RFC2: variants seen among roughly 807,000 people sequenced by gnomAD.
The protein encoded by RFC2 is replication factor C subunit 2.
A neutral mutation model predicts 44.8 loss-of-function variants in RFC2; 34 were observed. The observed-to-expected ratio is 0.76, with a 90% CI of 0.58 to 1.01. RFC2 has a LOEUF of 1.01. Ranked by LOEUF, RFC2 falls within the 50% of genes least tolerant of loss-of-function variation. The probability of loss-of-function intolerance (pLI) is 0.00; values close to 1 mark genes in which losing one functional copy is unlikely to be tolerated. For synonymous variants in RFC2, 177 were observed against 168.9 expected, an observed-to-expected ratio of 1.05 and a Z score of -0.37; for missense variants, 400 against 453.6, an observed-to-expected ratio of 0.88 and a Z score of 1.07.
rs781828533 is a variant in RFC2 at position 74,238,960 on chromosome 7, G to A, written c.722C>T (p.Ser241Leu). ...CTCACTGTTAATGAAGCCAAATCCT[G>A]AGAAGGTGGACTGCAGGTTGTTCAG... ...QALNNLQSTF[S>L]GFGFINSENV... is the part of the protein sequence containing the mutation. The change falls in exon 8 of 11, where the codon TCA (serine) becomes TTA (leucine). Residue 241 changes from serine (S) to leucine (L), a missense_variant. By Grantham distance (145) the Ser-to-Leu change is moderately radical (BLOSUM62 -2). Transcript: ENST00000055077. The surrounding 1 kb of genome is among the most constrained non-coding windows in gnomAD (Gnocchi z 4.0). 7 of 1,614,034 alleles carry A rather than the reference G, an allele frequency of 4.3e-6. No individual in the cohort carries two copies. The South Asian group carries it at 4.4e-5, about 10-fold the overall frequency.
At chr7:74,243,965 T>A (rs1323430485) in intron 5 of RFC2, among the ~76,000 whole-genome samples, 17 of 151,334 alleles carry the variant, frequency 1.1e-4, no homozygotes, top group African/African-American at 4.1e-4. Flanking sequence ...AGCAAGTTAT[T>A]AATGGCCAGG....
chr7:74,237,322 T>TGAGC (rs1803076773), intron 9 of RFC2, 40 bp downstream of exon 9: 2 of 1,432,730 alleles, frequency 1.4e-6, no homozygotes, highest in Admixed American at 3.8e-5. Context: ...GCCCAAGAAG[T>TGAGC]GAGCGGTTCC....
chr7:74,245,029 A>ATT (rs1176222528), intron 5 of RFC2, among the ~76,000 whole-genome samples: 13 of 140,362 alleles, frequency 9.3e-5, no homozygotes, highest in Non-Finnish European at 1.3e-4. Context: ...TGTCATTTCA[A>ATT]TTTTTTTTTT....
intron 9 of RFC2, 57 bp from the exon 10 acceptor site, chr7:74,235,702 G>T: frequency 8.2e-7 from 1 of 1,213,100 alleles, no homozygotes; most frequent in Non-Finnish European, 1.2e-6. Context: ...GAAGACATGT[G>T]ATTTTGAGAC....
chr7:74,237,164 G>C, intron 9 of RFC2, 198 bp downstream of exon 9: 2 of 453,082 alleles, frequency 4.4e-6, no homozygotes, highest in Non-Finnish European at 8.2e-6. Context: ...CCCAGGCTGG[G>C]GTACAGTGGC....
Position 74,249,031 on chromosome 7 carries a change from G to A in RFC2, c.313C>T (p.Leu105Phe). ...ACCTACCTGTCATTTGAAGCATTGA[G>A]TTCCAACATGGCATCTTTGAGTGCT... ...GPALKDAMLE[L>F]NASNDRGIDV... Residue 105 changes from leucine to phenylalanine, a missense_variant, in exon 4 of 11, where the codon CTC becomes TTC. Transcript: ENST00000055077. 1 of 1,613,580 alleles carries A rather than the reference G, an allele frequency of 6.2e-7. No homozygotes were observed. The highest frequency in any genetic ancestry group is 8.5e-7 in the Non-Finnish European group (1 of 1,179,630).
chr7:74,246,214 TAAATACAAATACAAATAC>T (rs547678440), intron 5 of RFC2, among the ~76,000 whole-genome samples: 1 of 142,848 alleles, frequency 7.0e-6, no homozygotes, highest in Non-Finnish European at 1.5e-5. Flanking sequence ...AATAAATAAA[TAAATACAAATACAAATAC>T]AAATACAAAT....
chr7:74,237,660 A>G (rs1554718557), intron 8 of RFC2, among the ~76,000 whole-genome samples: 2 of 152,186 alleles, frequency 1.3e-5, no homozygotes, highest in African/African-American at 4.8e-5. Flanking sequence ...CAAACATAAG[A>G]CAGATGAACA....
At chr7:74,251,052 G>C (rs1336082671) in intron 2 of RFC2, among the ~76,000 whole-genome samples, 3 of 152,198 alleles carry the variant, frequency 2.0e-5, no homozygotes, top group Non-Finnish European at 2.9e-5. Flanking sequence ...CTCCCAAAGT[G>C]CTGGGATTAC....
At chr7:74,234,204 A>G (rs178975) in intron 10 of RFC2, among the ~76,000 whole-genome samples, 149,859 of 152,262 alleles carry the variant, frequency 0.98, 73,756 homozygotes, top group East Asian at 1. Flanking sequence ...AAAGAAGCCA[A>G]ACTCACAAGG....
chr7:74,252,601 A>C, intron 1 of RFC2, 103 bp from the exon 2 acceptor site: 1 of 749,112 alleles, frequency 1.3e-6, no homozygotes, highest in Non-Finnish European at 2.4e-6. Flanking sequence ...AATTACATAC[A>C]TTCAGTACAA....
intron 3 of RFC2, 48 bp downstream of exon 3, chr7:74,249,691 T>C: frequency 6.6e-7 from 1 of 1,503,998 alleles, no homozygotes; most frequent in South Asian, 1.1e-5. Flanking sequence ...CAGCGGACAG[T>C]GGGATGAGAC....
chr7:74,250,659 G>C (rs1449660153), intron 2 of RFC2, among the ~76,000 whole-genome samples: 1 of 151,846 alleles, frequency 6.6e-6, no homozygotes. Flanking sequence ...CTCCATCCCG[G>C]CTACCACTTT....
chr7:74,246,903 A>G (rs782600461), intron 4 of RFC2, 140 bp from the exon 5 acceptor site: 70 of 493,276 alleles, frequency 1.4e-4, no homozygotes, highest in Non-Finnish European at 2.1e-4. Context: ...AATTGTAACT[A>G]TTTATAAGGA....
intron 2 of RFC2, among the ~76,000 whole-genome samples, chr7:74,250,985 C>T (rs1249929272): frequency 1.3e-5 from 2 of 152,114 alleles, no homozygotes; most frequent in South Asian, 2.1e-4. Context: ...CGGGGTTTTG[C>T]CATGTTGGCC....
chr7:74,241,891 C>T (rs1803347356), intron 6 of RFC2, among the ~76,000 whole-genome samples: 3 of 152,094 alleles, frequency 2.0e-5, no homozygotes. Flanking sequence ...ATCCAGGCAG[C>T]GGAGATAGCA....
chr7:74,238,822 T>C lies in RFC2; in HGVS notation c.759+101A>G. 2.2e-6 allele frequency: 2 copies of C among 893,362 alleles called. No homozygotes were observed. Among genetic ancestry groups the C allele is most frequent in the Non-Finnish European group, 3.7e-6 (2 of 541,402 alleles). 55.3% of individuals were successfully genotyped at this position (893,362 alleles called of 1,614,324 possible). ...GCTCCCTGGCACCCACAAGAGCAGC[T>C]AGATGTCCGTCCCCACTGCCAGCCC... On this transcript the variant is annotated intron_variant, in intron 8 of 10. Coordinates refer to ENST00000055077, the MANE Select transcript of RFC2 (RefSeq NM_181471.3). The surrounding 1 kb of genome is among the most constrained non-coding windows in gnomAD (Gnocchi z 4.0).
rs963874745 is a variant in RFC2 at position 74,248,905 on chromosome 7, A to G, written c.332+107T>C. The stretch of plus-strand genomic sequence containing the variant: ...ACTGGGAAGGGGTGGAGGAAATCAC[A>G]TAGCTGGCAAGGCTTCGCATACAAC... On this transcript the variant is annotated intron_variant, in intron 4 of 10. Transcript: ENST00000055077. 1.3e-5 allele frequency: 10 copies of G among 760,872 alleles called. No homozygotes were observed. The Admixed American group carries it at 2.0e-4, about 15-fold the overall frequency. The allele number at this position is 760,872 out of a possible 1,614,324, so 47.1% of individuals were successfully genotyped here. A position where few individuals can be genotyped will look rare whatever the true frequency, so the allele number is the denominator to read the frequency against.
intron 6 of RFC2, 35 bp downstream of exon 6, chr7:74,243,111 C>T: frequency 3.6e-6 from 5 of 1,398,820 alleles, no homozygotes; most frequent in Non-Finnish European, 4.1e-6. Flanking sequence ...AGTTGAGCAC[C>T]ACGTGGCCCC....
Sources: allele counts gnomAD v4.1 joint callset (sites outside exome capture counted in the v4.1 genomes callset), GRCh38; gene constraint gnomAD v4.1.1; non-coding constraint Gnocchi (gnomAD v3.1); transcripts MANE v1.5; gene names NCBI Gene and HGNC (gene_info 2026-07-23, HGNC 2026-07-21).